The following SENP6 variants were observed in gnomAD, a reference collection of about 807,000 sequenced individuals.
The protein encoded by SENP6 is sentrin-specific protease 6.
SENP6 carries 41 observed loss-of-function variants against 134.5 expected under a neutral mutation model. The observed-to-expected ratio is 0.30, with a 90% CI of 0.24 to 0.40. SENP6 has a LOEUF of 0.40. SENP6 is among the 10% of genes least tolerant of loss of function. SENP6 has a pLI of 1.00. For synonymous variants in SENP6, 395 were observed against 429.8 expected (o/e 0.92, Z 1.00); for missense variants, 1,248 against 1,312.5 (o/e 0.95, Z 0.76).
At chr6:75,635,532 T>TG (rs1769446040) in intron 5 of SENP6, among the ~76,000 whole-genome samples, 2 of 152,154 alleles carry the variant, frequency 1.3e-5, no homozygotes, top group East Asian at 3.8e-4. Flanking sequence ...TCCTGAACCT[T>TG]GCTATATTTT....
chr6:75,675,227 G>A (rs990973857), intron 11 of SENP6, among the ~76,000 whole-genome samples: 1 of 151,978 alleles, frequency 6.6e-6, no homozygotes, highest in Non-Finnish European at 1.5e-5. Flanking sequence ...ACTGATGGAA[G>A]GGATGTGACA....
intron 8 of SENP6, among the ~76,000 whole-genome samples, chr6:75,661,789 C>T (rs1444723673): frequency 6.6e-6 from 1 of 152,128 alleles, no homozygotes; most frequent in African/African-American, 2.4e-5. Context: ...TGGCTCATGC[C>T]TGTAATCCCA....
At chr6:75,680,687 G>A (rs1773402801) in intron 16 of SENP6, among the ~76,000 whole-genome samples, 1 of 152,154 alleles carries the variant, frequency 6.6e-6, no homozygotes, top group Admixed American at 6.5e-5. Context: ...AGGTAATTAA[G>A]TTAACTATAC....
chr6:75,619,445 A>ATGTGTGTGTGTGTG lies in SENP6; in HGVS notation c.53-2071_53-2058dup, dbSNP rs61131437. On this transcript the variant is annotated intron_variant, in intron 1 of 23. Transcript: ENST00000447266. Reference sequence around the variant, plus strand: ...GGCTGAATAACATTCCGTTGTGTCTATGTGTGTGTGTGTGTGTGTGTGTGT... The same window carrying ATGTGTGTGTGTGTG: ...GGCTGAATAACATTCCGTTGTGTCTATGTGTGTGTGTGTGTGTGTGTGTGTGTGTGTGTGTGTGT... Among the ~76,000 whole-genome samples the ATGTGTGTGTGTGTG allele has an allele frequency of 5.1e-3, 767 of 149,342 alleles. 4 individuals carry two copies. The highest frequency in any genetic ancestry group is 0.018 in the African/African-American group (722 of 40,670).
intron 3 of SENP6, among the ~76,000 whole-genome samples, chr6:75,625,112 C>CT (rs34953351): frequency 0.55 from 60,633 of 110,730 alleles, 18,513 homozygotes; most frequent in Admixed American, 0.65. Flanking sequence ...TGTGTGTGTC[C>CT]TTTTTTTTTT....
Position 75,623,924 on chromosome 6 carries a change from T to A in SENP6, c.171T>A (p.Asp57Glu). ...GTGGGACAAATCTGCTCAGTGTGGA[T>A]GAAGATGAGGATTCTGAAACCTCAA... ...DKDGTNLLSV[D>E]EDEDSETSKG... Residue 57 changes from aspartate (D) to glutamate (E), a missense_variant, in exon 3 of 24, where the codon GAT (aspartate) becomes GAA (glutamate). By Grantham distance (45) the Asp-to-Glu change is conservative. This residue lies in a region of SENP6 where 733 missense variants were observed against 725.4 expected (regional missense o/e 1.01). Coordinates refer to ENST00000447266, the MANE Select transcript of SENP6 (RefSeq NM_015571.4). 1 of 1,609,286 alleles carries A rather than the reference T, an allele frequency of 6.2e-7. No homozygotes were observed. The highest frequency in any genetic ancestry group is 8.5e-7 in the Non-Finnish European group (1 of 1,177,376).
Position 75,715,395 on chromosome 6 carries a change from T to C in SENP6, c.3140T>C (p.Leu1047Pro). The C allele has an allele frequency of 1.2e-6, 2 of 1,606,132 alleles. No homozygotes were observed. Among genetic ancestry groups the C allele is most frequent in the Non-Finnish European group, 1.7e-6 (2 of 1,175,760 alleles). The change falls in exon 24 of 24, where the codon CTC becomes CCC. Residue 1047 changes from leucine (L) to proline (P), a missense_variant. Physicochemically the swap from Leu to Pro is moderately conservative, Grantham distance 98. Coordinates refer to ENST00000447266, the MANE Select transcript of SENP6 (RefSeq NM_015571.4). ...TAATTGTATTTTCAGAATCCAATTC[T>C]CAGTTTTGAACTACCTATGAATTTG... is the stretch of plus-strand genomic sequence containing the variant. ...YVESFFENPI[L>P]SFELPMNLAN...
rs1774181572 is a variant in SENP6 at position 75,690,734 on chromosome 6, C to T, written c.2076-5070C>T. 2.0e-5 allele frequency among the ~76,000 whole-genome samples: 3 copies of T among 150,720 alleles called. No individual in the cohort carries two copies. The South Asian group carries it at 6.3e-4, about 31-fold the overall frequency. On this transcript the variant is annotated intron_variant, in intron 16 of 23. Coordinates refer to ENST00000447266, the MANE Select transcript of SENP6 (RefSeq NM_015571.4). Reference sequence around the variant, plus strand: ...TTGAGATGAGAGTCTCGCTCTGTCACCCAGGCTCTGGAGTGCAGTGGTGCA... The same window carrying T: ...TTGAGATGAGAGTCTCGCTCTGTCATCCAGGCTCTGGAGTGCAGTGGTGCA...
rs1294645093 is a variant in SENP6, at chr6:75,602,520, G to A, written c.-5G>A. 2 of 1,551,342 alleles carry A rather than the reference G, an allele frequency of 1.3e-6. No individual in the cohort carries two copies. Among genetic ancestry groups the A allele is most frequent in the African/African-American group, 1.4e-5 (1 of 73,064 alleles). On this transcript the variant is annotated 5_prime_UTR_variant, in exon 1 of 24. Transcript: ENST00000447266. ...TTAAGAAGGAGGCGGCGTGGGAGGAGGAAGATGGCGGCCGGCAAGAGCGGC... is the reference window on the plus strand; with the variant it reads ...TTAAGAAGGAGGCGGCGTGGGAGGAAGAAGATGGCGGCCGGCAAGAGCGGC...
rs780574973 is a variant in SENP6, at chr6:75,709,600, C to T, written c.2790C>T (p.Leu930=). ...PEAGKMLEDE[L]VDFSEDQDNQ... ...CTGGTAAAATGCTTGAAGATGAACT[C>T]GTCGACTTCTCAGAAGATCAGGATA... Residue 930 remains leucine, a synonymous_variant, in exon 20 of 24, where the codon CTC becomes CTT. Coordinates refer to ENST00000447266, the MANE Select transcript of SENP6 (RefSeq NM_015571.4). 35 of 1,613,638 alleles carry T rather than the reference C, an allele frequency of 2.2e-5. No homozygotes were observed. The highest frequency in any genetic ancestry group is 1.6e-4 in the East Asian group (7 of 44,864).
In SENP6 at chr6:75,710,300, TAACA is replaced by T. The variant is rs1040594879; in HGVS notation, c.2820+675_2820+678del. On this transcript the variant is annotated intron_variant, in intron 20 of 23. Transcript: ENST00000447266. ...CTTTTCCTTGGAGTCTCATTTGCCC[TAACA>T]AACAGTATGAACAGCAAGAATAAAG... Among the ~76,000 whole-genome samples, 9 of 152,340 alleles carry T rather than the reference TAACA, an allele frequency of 5.9e-5. No homozygotes were observed. The East Asian group carries it at 1.2e-3, about 20-fold the overall frequency.
chr6:75,622,361 C>A (rs887682893), intron 2 of SENP6, among the ~76,000 whole-genome samples: 8 of 152,250 alleles, frequency 5.3e-5, no homozygotes, highest in Admixed American at 2.6e-4. Flanking sequence ...AGTTCAAGAT[C>A]AGCTTGGCCA....
At chr6:75,669,981 T>C (rs996989570) in intron 10 of SENP6, among the ~76,000 whole-genome samples, 4 of 152,086 alleles carry the variant, frequency 2.6e-5, no homozygotes, top group Non-Finnish European at 4.4e-5. Flanking sequence ...TTGCCCAGGC[T>C]GGAGTGCGGT....
chr6:75,696,774 C>T (rs760788149), intron 17 of SENP6, among the ~76,000 whole-genome samples: 28 of 152,122 alleles, frequency 1.8e-4, no homozygotes, highest in Non-Finnish European at 3.8e-4. Context: ...CACCATGCCC[C>T]ACCTTTTTCT....
chr6:75,679,903 G>T (rs1257647543), intron 16 of SENP6: 1 of 152,048 alleles, frequency 6.6e-6, no homozygotes, highest in Non-Finnish European at 1.5e-5. Context: ...ATAGCCTATT[G>T]GTGGTTGCAA....
At chr6:75,631,020 GA>G (rs1345671711) in intron 3 of SENP6, among the ~76,000 whole-genome samples, 1 of 151,338 alleles carries the variant, frequency 6.6e-6, no homozygotes, top group Non-Finnish European at 1.5e-5. Flanking sequence ...CCATACATTG[GA>G]TTTTTTTTTT....
At chr6:75,620,442 A>G (rs1768181751) in intron 1 of SENP6, among the ~76,000 whole-genome samples, 1 of 152,016 alleles carries the variant, frequency 6.6e-6, no homozygotes, top group Non-Finnish European at 1.5e-5. Flanking sequence ...CTTTTTCACA[A>G]ATGGTGCCTT....
intron 16 of SENP6, among the ~76,000 whole-genome samples, chr6:75,688,578 G>A (rs1261045938): frequency 2.6e-5 from 4 of 151,266 alleles, no homozygotes; most frequent in Non-Finnish European, 5.9e-5. Context: ...AGTTTAAACT[G>A]TGCCCCCATT....
At position 75,711,428 on chromosome 6, in the gene SENP6, CTG is replaced by C. The variant is rs1775737349; in HGVS notation, c.2909+16_2909+17del. Reference sequence around the variant, plus strand: ...ACTATCTGTAAACAGTAAGCATTAACTGTGTATCTTGAAAACTACATAATTTT... The same window carrying C: ...ACTATCTGTAAACAGTAAGCATTAACTGTATCTTGAAAACTACATAATTTT... On this transcript the variant is annotated intron_variant, in intron 21 of 23. Transcript: ENST00000447266. The C allele has an allele frequency of 1.3e-6, 2 of 1,550,182 alleles. No individual in the cohort carries two copies. The highest frequency in any genetic ancestry group is 1.8e-6 in the Non-Finnish European group (2 of 1,130,026).
Sources: allele counts gnomAD v4.1 joint callset (sites outside exome capture counted in the v4.1 genomes callset), GRCh38; gene constraint gnomAD v4.1.1; regional missense constraint gnomAD v4.1.1; transcripts MANE v1.5; gene names NCBI Gene and HGNC (gene_info 2026-07-23, HGNC 2026-07-21).